BMPR1A: variants seen among roughly 807,000 people sequenced by gnomAD.
BMPR1A encodes bone morphogenetic protein receptor type 1A.
BMPR1A carries 7 observed loss-of-function variants against 66.0 expected under a neutral mutation model. That is an observed-to-expected ratio of 0.11 (90% CI 0.06 to 0.20). The LOEUF is 0.20. BMPR1A is among the 10% of genes least tolerant of loss of function. The pLI is 1.00. For synonymous variants in BMPR1A, 200 were observed against 229.7 expected (o/e 0.87, Z 1.17); for missense variants, 408 against 669.1 (o/e 0.61, Z 4.31).
chr10:86,775,136 G>GTAA (rs1841326336), intron 1 of BMPR1A, among the ~76,000 whole-genome samples: 2 of 152,328 alleles, frequency 1.3e-5, no homozygotes, highest in South Asian at 4.1e-4. Flanking sequence ...TGCTAAGCAT[G>GTAA]TAATCTACCT....
intron 1 of BMPR1A, among the ~76,000 whole-genome samples, chr10:86,783,301 C>G (rs771436617): frequency 6.6e-6 from 1 of 152,128 alleles, no homozygotes; most frequent in Non-Finnish European, 1.5e-5. Context: ...CAGTTTTGTT[C>G]TTAATCAAGG....
rs1244692883 is a variant in BMPR1A at position 86,899,881 on chromosome 10, G to A, written c.421G>A (p.Val141Ile). The change falls in exon 6 of 13, where the codon GTT (valine) becomes ATT (isoleucine). Residue 141 changes from valine (V) to isoleucine (I), a missense_variant. Transcript: ENST00000372037. ...NQYLQPTLPP[V>I]VIGPFFDGSI... ...GTATTTGCAACCCACACTGCCCCCT[G>A]TTGTCATAGGTAGGTTAGCCGAGAA... 6.2e-7 allele frequency: 1 copy of A among 1,614,046 alleles called. No individual in the cohort carries two copies. The highest frequency in any genetic ancestry group is 1.1e-5 in the South Asian group (1 of 91,080).
intron 1 of BMPR1A, among the ~76,000 whole-genome samples, chr10:86,818,085 C>T (rs1401242350): frequency 6.6e-6 from 1 of 152,168 alleles, no homozygotes; most frequent in African/African-American, 2.4e-5. Context: ...ATGGCATGAT[C>T]TCAGCTCACT....
intron 1 of BMPR1A, among the ~76,000 whole-genome samples, chr10:86,832,979 T>G (rs1842293312): frequency 6.6e-6 from 1 of 152,170 alleles, no homozygotes; most frequent in Non-Finnish European, 1.5e-5. Context: ...GCATGGTGGC[T>G]CACGCTTATA....
At chr10:86,841,016 G>A (rs1842418748) in intron 2 of BMPR1A, among the ~76,000 whole-genome samples, 1 of 152,190 alleles carries the variant, frequency 6.6e-6, no homozygotes, top group African/African-American at 2.4e-5. Flanking sequence ...TATCTTAAGA[G>A]ATAATTTTGC....
At chr10:86,872,231 G>T (rs2133299014) in intron 2 of BMPR1A, among the ~76,000 whole-genome samples, 1 of 152,290 alleles carries the variant, frequency 6.6e-6, no homozygotes, top group Non-Finnish European at 1.5e-5. Flanking sequence ...GACTTCCTTT[G>T]CCAGGTTGGC....
rs1589293526 is a variant in BMPR1A, at chr10:86,923,503, T to C, written c.1470T>C (p.Asp490=). 6.2e-7 allele frequency: 1 copy of C among 1,614,222 alleles called. No homozygotes were observed. The highest frequency in any genetic ancestry group is 8.5e-7 in the Non-Finnish European group (1 of 1,180,036). Residue 490 remains aspartate, a synonymous_variant, in exon 12 of 13, where the codon GAT becomes GAC. Coordinates refer to ENST00000372037, the MANE Select transcript of BMPR1A (RefSeq NM_004329.3). ...RPIVSNRWNS[D]ECLRAVLKLM... is the part of the protein sequence containing the mutation. Reference sequence around the variant, plus strand: ...TTGTGTCTAATCGGTGGAACAGTGATGAAGTGAGTGGAACTCAGTCCCCTG... The same window carrying C: ...TTGTGTCTAATCGGTGGAACAGTGACGAAGTGAGTGGAACTCAGTCCCCTG...
At chr10:86,895,052 G>A (rs560974238) in intron 5 of BMPR1A, among the ~76,000 whole-genome samples, 26 of 152,240 alleles carry the variant, frequency 1.7e-4, no homozygotes, top group African/African-American at 6.3e-4. Flanking sequence ...AAACTTCAAG[G>A]TTCCAAACGG....
In BMPR1A at chr10:86,913,140, G is replaced by A. The variant is rs531312876; in HGVS notation, c.675+756G>A. On this transcript the variant is annotated intron_variant, in intron 8 of 12. Transcript: ENST00000372037. The stretch of plus-strand genomic sequence containing the variant: ...TATTTTACTTTATTTTATTTTAATC[G>A]TATCGAGATAGTCTTGCTCTGTCAC... 8.6e-5 allele frequency among the ~76,000 whole-genome samples: 13 copies of A among 151,692 alleles called. No individual in the cohort carries two copies. The East Asian group carries it at 2.1e-3, about 25-fold the overall frequency.
intron 2 of BMPR1A, among the ~76,000 whole-genome samples, chr10:86,868,846 T>G (rs1358054843): frequency 1.3e-5 from 2 of 151,298 alleles, no homozygotes; most frequent in Non-Finnish European, 2.9e-5. Context: ...AGTTTTAAAA[T>G]CTTTTACTTA....
intron 1 of BMPR1A, among the ~76,000 whole-genome samples, chr10:86,788,102 G>C (rs543556734): frequency 6.6e-6 from 1 of 152,286 alleles, no homozygotes; most frequent in East Asian, 1.9e-4. Context: ...TCTATGCAGT[G>C]ATGGCATACT....
At chr10:86,794,884 T>C (rs1285140688) in intron 1 of BMPR1A, among the ~76,000 whole-genome samples, 2 of 151,312 alleles carry the variant, frequency 1.3e-5, no homozygotes, top group Admixed American at 6.6e-5. Context: ...AGAGTTTCGC[T>C]CTTGTTTCCC....
chr10:86,764,477 G>T (rs536730248), intron 1 of BMPR1A, among the ~76,000 whole-genome samples: 1 of 152,148 alleles, frequency 6.6e-6, no homozygotes, highest in Non-Finnish European at 1.5e-5. Flanking sequence ...GGGAAAAATT[G>T]CATGTTGAAG....
intron 1 of BMPR1A, among the ~76,000 whole-genome samples, chr10:86,837,273 G>GTC (rs1564699472): frequency 6.6e-6 from 1 of 151,612 alleles, no homozygotes; most frequent in East Asian, 1.9e-4. Flanking sequence ...GTGTGTGTGT[G>GTC]TAATCAGGCT....
intron 3 of BMPR1A, 63 bp from the exon 4 acceptor site, chr10:86,889,999 A>G: frequency 6.3e-7 from 1 of 1,576,440 alleles, no homozygotes; most frequent in Non-Finnish European, 8.7e-7. Flanking sequence ...CTCATTGAAA[A>G]TTGTCACGAA....
At chr10:86,793,094 A>ACCCCCC (rs142292233) in intron 1 of BMPR1A, among the ~76,000 whole-genome samples, 1 of 106,030 alleles carries the variant, frequency 9.4e-6, no homozygotes, top group Non-Finnish European at 1.9e-5. Flanking sequence ...CCTGATCTAT[A>ACCCCCC]CCCCCCCCCA....
chr10:86,932,456 A>C (rs886152344), downstream of BMPR1A: 1 of 152,252 alleles, frequency 6.6e-6, no homozygotes, highest in Non-Finnish European at 1.5e-5. Context: ...GTCATAGCTC[A>C]CTTCAACCTC....
intron 1 of BMPR1A, among the ~76,000 whole-genome samples, chr10:86,801,748 C>G (rs1841814401): frequency 6.6e-6 from 1 of 152,012 alleles, no homozygotes; most frequent in Admixed American, 6.6e-5. Flanking sequence ...GAGTCTTGCT[C>G]TGTCTCCCAG....
At chr10:86,814,562 A>G (rs1333757293) in intron 1 of BMPR1A, among the ~76,000 whole-genome samples, 4 of 151,990 alleles carry the variant, frequency 2.6e-5, no homozygotes, top group Middle Eastern at 3.2e-3. Context: ...TTAAATTTCT[A>G]ATTACTTACT....
Sources: gnomAD v4.1 joint callset for allele counts (sites outside exome capture counted in the v4.1 genomes callset) on GRCh38, gnomAD v4.1.1 for gene constraint, MANE v1.5 for transcripts, NCBI Gene and HGNC (gene_info 2026-07-23, HGNC 2026-07-21) for gene names.